The following CPQ variants were observed in gnomAD, a reference collection of about 807,000 sequenced individuals.
The protein encoded by CPQ is Ser-Met dipeptidase.
A neutral mutation model predicts 45.7 loss-of-function variants in CPQ; 37 were observed. The ratio of observed to expected loss-of-function variants is 0.81; its 90% confidence interval spans 0.62 to 1.07. The LOEUF is 1.07. CPQ is among the 50% of genes least tolerant of loss of function. CPQ has a pLI of 0.00. For synonymous variants in CPQ, 186 were observed against 205.8 expected (o/e 0.90, Z 0.82); for missense variants, 537 against 572.9 (o/e 0.94, Z 0.64).
At position 96,664,301 on chromosome 8, in the gene CPQ, A is replaced by T. The variant is rs140467811; in HGVS notation, c.-35+18899A>T. On this transcript the variant is annotated intron_variant, in intron 1 of 7. Coordinates refer to ENST00000220763, the MANE Select transcript of CPQ (RefSeq NM_016134.4). The stretch of plus-strand genomic sequence containing the variant: ...TTCACTGGGACAGGAGCTCAGAATG[A>T]CTCTATAGGTAAAGGGATAGAAGAA... Among the ~76,000 whole-genome samples, 796 of 152,268 alleles carry T rather than the reference A, an allele frequency of 5.2e-3. 3 individuals carry two copies. Among genetic ancestry groups the T allele is most frequent in the Non-Finnish European group, 8.1e-3 (554 of 68,014 alleles).
intron 2 of CPQ, among the ~76,000 whole-genome samples, chr8:96,810,207 A>G (rs913988155): frequency 1.3e-5 from 2 of 152,164 alleles, no homozygotes; most frequent in African/African-American, 4.8e-5. Context: ...TAGCTTTGTC[A>G]GTATACTCAC....
chr8:97,139,058 G>C (rs1198432984), intron 7 of CPQ, among the ~76,000 whole-genome samples: 2 of 152,062 alleles, frequency 1.3e-5, no homozygotes, highest in African/African-American at 4.8e-5. Flanking sequence ...ATAGAGAAAG[G>C]CTGCCAGTAA....
chr8:96,761,936 G>A (rs1227917850), intron 1 of CPQ, among the ~76,000 whole-genome samples: 5 of 152,046 alleles, frequency 3.3e-5, no homozygotes, highest in African/African-American at 7.2e-5. Flanking sequence ...GCTTGCTTTG[G>A]CCTTCAAATT....
At chr8:97,016,150 TCAGTTAG>T (rs1196947619) in intron 5 of CPQ, among the ~76,000 whole-genome samples, 2 of 152,192 alleles carry the variant, frequency 1.3e-5, no homozygotes, top group Non-Finnish European at 2.9e-5. Flanking sequence ...ATCATTTAAT[TCAGTTAG>T]CTGATGGAAA....
intron 7 of CPQ, among the ~76,000 whole-genome samples, chr8:97,091,033 C>G (rs560747139): frequency 6.6e-6 from 1 of 152,146 alleles, no homozygotes; most frequent in African/African-American, 2.4e-5. Context: ...TCATGGGGAC[C>G]CACGATGCAT....
intron 1 of CPQ, among the ~76,000 whole-genome samples, chr8:96,674,081 T>C (rs1809041333): frequency 1.3e-5 from 2 of 152,164 alleles, no homozygotes; most frequent in African/African-American, 4.8e-5. Flanking sequence ...GAATCTGTTT[T>C]AGTAGGTAAT....
chr8:96,976,265 A>C (rs961069382), intron 5 of CPQ, among the ~76,000 whole-genome samples: 7 of 151,090 alleles, frequency 4.6e-5, no homozygotes, highest in Admixed American at 1.3e-4. Context: ...AAAAAAAAAA[A>C]AAAAAAACCT....
At chr8:97,108,650 G>A (rs547202264) in intron 7 of CPQ, among the ~76,000 whole-genome samples, 2 of 152,268 alleles carry the variant, frequency 1.3e-5, no homozygotes, top group Admixed American at 6.5e-5. Context: ...GGAAGTCACC[G>A]GGGAGGGGAT....
chr8:96,884,268 TAA>T (rs997823765), intron 4 of CPQ, among the ~76,000 whole-genome samples: 1 of 151,742 alleles, frequency 6.6e-6, no homozygotes, highest in Non-Finnish European at 1.5e-5. Flanking sequence ...TTCAGCATAT[TAA>T]AAAAAAATTC....
intron 7 of CPQ, among the ~76,000 whole-genome samples, chr8:97,068,865 G>C (rs1283855697): frequency 6.6e-6 from 1 of 152,138 alleles, no homozygotes; most frequent in East Asian, 1.9e-4. Flanking sequence ...CCTGAGAACA[G>C]GCCATTTTGG....
intron 4 of CPQ, among the ~76,000 whole-genome samples, chr8:96,925,551 A>C (rs1312050509): frequency 6.6e-6 from 1 of 151,482 alleles, no homozygotes; most frequent in Non-Finnish European, 1.5e-5. Flanking sequence ...CCCAGCTAAT[A>C]TTTGTATTTT....
intron 3 of CPQ, among the ~76,000 whole-genome samples, chr8:96,865,086 C>CAATAATAATAAT (rs542993089): frequency 1.3e-5 from 2 of 151,706 alleles, no homozygotes; most frequent in African/African-American, 4.8e-5. Context: ...ACATTTATAA[C>CAATAATAATAAT]AATAATAATA....
intron 4 of CPQ, among the ~76,000 whole-genome samples, chr8:96,883,513 A>G (rs1027889122): frequency 2.6e-5 from 4 of 152,214 alleles, no homozygotes; most frequent in African/African-American, 9.7e-5. Flanking sequence ...CTTCTTCCAC[A>G]AAGAAGTAAC....
intron 7 of CPQ, among the ~76,000 whole-genome samples, chr8:97,140,825 A>G (rs1812146101): frequency 6.6e-6 from 1 of 152,090 alleles, no homozygotes; most frequent in South Asian, 2.1e-4. Context: ...AGTAATAGCA[A>G]TTAAGATAGT....
intron 2 of CPQ, among the ~76,000 whole-genome samples, chr8:96,821,264 G>C (rs113866051): frequency 6.8e-6 from 1 of 147,160 alleles, no homozygotes; most frequent in Non-Finnish European, 1.5e-5. Context: ...TTTGTCGATT[G>C]TTTGCTGTGC....
chr8:96,851,305 A>G (rs1226135447), intron 3 of CPQ, among the ~76,000 whole-genome samples: 1 of 152,244 alleles, frequency 6.6e-6, no homozygotes, highest in African/African-American at 2.4e-5. Context: ...AAAAGAGACC[A>G]AACAATGTAT....
intron 1 of CPQ, among the ~76,000 whole-genome samples, chr8:96,661,700 T>C (rs1815703825): frequency 6.6e-6 from 1 of 152,244 alleles, no homozygotes; most frequent in Admixed American, 6.5e-5. Context: ...CTGAAGATCA[T>C]CTTGGTTGCT....
chr8:96,684,818 T>C (rs187594100), intron 1 of CPQ, among the ~76,000 whole-genome samples: 2 of 152,154 alleles, frequency 1.3e-5, no homozygotes, highest in East Asian at 1.9e-4. Flanking sequence ...AGCTCAGTGT[T>C]GGCCAGACTT....
At chr8:96,890,231 T>C (rs1317650904) in intron 4 of CPQ, among the ~76,000 whole-genome samples, 1 of 152,230 alleles carries the variant, frequency 6.6e-6, no homozygotes, top group Non-Finnish European at 1.5e-5. Flanking sequence ...AATGAAGATA[T>C]TTTCTTAGTG....
Sources: gnomAD v4.1 joint callset for allele counts (sites outside exome capture counted in the v4.1 genomes callset) on GRCh38, gnomAD v4.1.1 for gene constraint, MANE v1.5 for transcripts, NCBI Gene and HGNC (gene_info 2026-07-23, HGNC 2026-07-21) for gene names.